Variants in MTUS2 observed in about 807,000 individuals in gnomAD.
The protein encoded by MTUS2 is microtubule associated scaffold protein 2.
Under a neutral mutation model 114.1 loss-of-function variants are expected in MTUS2, and 40 were observed. The ratio of observed to expected loss-of-function variants is 0.35; its 90% confidence interval spans 0.27 to 0.46. The LOEUF (loss-of-function observed/expected upper bound fraction) is 0.46, where lower values mean the gene tolerates loss of function less well. Among genes scored for constraint, MTUS2 ranks in the 20% least tolerant of loss-of-function variants. MTUS2 has a pLI of 1.00. For synonymous variants in MTUS2, 688 were observed against 672.0 expected (o/e 1.02, Z -0.37); for missense variants, 1,679 against 1,705.4 (o/e 0.98, Z 0.27).
chr13:29,161,162 A>G (rs2097996534), intron 5 of MTUS2, among the ~76,000 whole-genome samples: 1 of 152,228 alleles, frequency 6.6e-6, no homozygotes, highest in African/African-American at 2.4e-5. Flanking sequence ...GCGTGCACAC[A>G]CGTGCATACA....
intron 5 of MTUS2, among the ~76,000 whole-genome samples, chr13:29,215,166 T>G (rs150043401): frequency 5.7e-4 from 86 of 152,092 alleles, no homozygotes; most frequent in African/African-American, 1.9e-3. Flanking sequence ...TATTGATACT[T>G]GTGTATGCTT....
At position 29,505,613 on chromosome 13, in the gene MTUS2, G is replaced by A. The variant is rs1210879065; in HGVS notation, c.*2407G>A. ...TCAGAATTCGGATTTCTCTCCACGT[G>A]GCGTCTGCCTCTGTCCCCTTCCAGG... is the stretch of plus-strand genomic sequence containing the variant. On this transcript the variant is annotated 3_prime_UTR_variant, in exon 16 of 16. Transcript: ENST00000612955. 4.3e-6 allele frequency: 1 copy of A among 231,824 alleles called. No homozygotes were observed. Among genetic ancestry groups the A allele is most frequent in the Non-Finnish European group, 8.5e-6 (1 of 117,284 alleles). The allele number at this position is 231,824 out of a possible 1,614,324, so 14.4% of individuals were successfully genotyped here.
intron 2 of MTUS2, among the ~76,000 whole-genome samples, chr13:28,962,550 G>A (rs183677583): frequency 6.6e-6 from 1 of 152,224 alleles, no homozygotes; most frequent in Non-Finnish European, 1.5e-5. Context: ...AGGAATTAGT[G>A]GAAATGAAGT....
At chr13:29,147,425 C>T (rs1892482962) in intron 5 of MTUS2, among the ~76,000 whole-genome samples, 1 of 152,078 alleles carries the variant, frequency 6.6e-6, no homozygotes, top group African/African-American at 2.4e-5. Context: ...AAATTATGCC[C>T]ATTTTAAAAA....
chr13:29,197,235 G>A (rs1463132592), intron 5 of MTUS2, among the ~76,000 whole-genome samples: 2 of 151,822 alleles, frequency 1.3e-5, no homozygotes, highest in African/African-American at 4.8e-5. Flanking sequence ...CCATCCCCTG[G>A]ACAGGCCCCA....
At chr13:28,998,740 A>T (rs985276813) in intron 2 of MTUS2, among the ~76,000 whole-genome samples, 1 of 152,214 alleles carries the variant, frequency 6.6e-6, no homozygotes, top group Non-Finnish European at 1.5e-5. Flanking sequence ...TTTCAGGTCC[A>T]TCACGTCCAT....
rs184908700 is a variant in MTUS2 at position 28,855,683 on chromosome 13, A to G, written c.-243+15833A>G. 1.9e-4 allele frequency among the ~76,000 whole-genome samples: 29 copies of G among 152,274 alleles called. No individual in the cohort carries two copies. The East Asian group carries it at 5.6e-3, about 29-fold the overall frequency. ...TTTATCCAGTCTATCATTGATGGGC[A>G]TTTGGGTTGATTCCATGTCTTTGCT... On this transcript the variant is annotated intron_variant, in intron 2 of 15. Coordinates refer to ENST00000612955, the MANE Select transcript of MTUS2 (RefSeq NM_001033602.4).
chr13:29,394,856 C>T (rs1365556652), intron 8 of MTUS2, among the ~76,000 whole-genome samples: 3 of 152,126 alleles, frequency 2.0e-5, no homozygotes, highest in Non-Finnish European at 2.9e-5. Context: ...ATCTAGGTTG[C>T]GCCCTCCTTT....
At chr13:29,027,653 G>A (rs894901443) in intron 3 of MTUS2, among the ~76,000 whole-genome samples, 4 of 152,162 alleles carry the variant, frequency 2.6e-5, no homozygotes, top group African/African-American at 4.8e-5. Flanking sequence ...CTGGGTTCAC[G>A]CCATCCTCCT....
At chr13:28,831,160 A>G (rs554365400) in intron 1 of MTUS2, among the ~76,000 whole-genome samples, 14 of 152,346 alleles carry the variant, frequency 9.2e-5, no homozygotes, top group African/African-American at 3.1e-4. Flanking sequence ...AAAAATGTAA[A>G]AGAAACGGAA....
intron 2 of MTUS2, among the ~76,000 whole-genome samples, chr13:28,989,083 G>A (rs1457273740): frequency 6.6e-6 from 1 of 152,164 alleles, no homozygotes; most frequent in East Asian, 1.9e-4. Context: ...CAGTTTCATT[G>A]GCTTAGACCT....
intron 2 of MTUS2, among the ~76,000 whole-genome samples, chr13:28,899,201 A>G (rs537347567): frequency 1.3e-5 from 2 of 152,232 alleles, no homozygotes; most frequent in Admixed American, 1.3e-4. Flanking sequence ...CAATAGTAAA[A>G]TATCACAATG....
chr13:29,021,595 T>C (rs1485594769), intron 2 of MTUS2, among the ~76,000 whole-genome samples: 1 of 152,200 alleles, frequency 6.6e-6, no homozygotes, highest in Non-Finnish European at 1.5e-5. Flanking sequence ...TTTATACTTC[T>C]GCCCACAGAA....
chr13:28,895,738 A>G (rs1029222290), intron 2 of MTUS2, among the ~76,000 whole-genome samples: 17 of 152,210 alleles, frequency 1.1e-4, no homozygotes, highest in African/African-American at 2.9e-4. Flanking sequence ...GTAGCCCTCC[A>G]CTGTTGGATA....
intron 4 of MTUS2, among the ~76,000 whole-genome samples, chr13:29,049,849 C>T (rs1887808587): frequency 6.6e-6 from 1 of 152,188 alleles, no homozygotes; most frequent in South Asian, 2.1e-4. Context: ...AGTGTGGTGT[C>T]AAGAGACTCT....
chr13:29,300,159 T>G (rs1372641081), intron 6 of MTUS2, among the ~76,000 whole-genome samples: 1 of 152,164 alleles, frequency 6.6e-6, no homozygotes, highest in African/African-American at 2.4e-5. Context: ...TTTAGGTAAT[T>G]TTAGATAATA....
chr13:29,159,735 A>G (rs967893203), intron 5 of MTUS2, among the ~76,000 whole-genome samples: 3 of 152,244 alleles, frequency 2.0e-5, no homozygotes, highest in Admixed American at 2.0e-4. Context: ...AATAAGATAT[A>G]CAGATGTTCA....
At chr13:29,172,916 GT>G (rs1893619833) in intron 5 of MTUS2, among the ~76,000 whole-genome samples, 1 of 152,134 alleles carries the variant, frequency 6.6e-6, no homozygotes, top group African/African-American at 2.4e-5. Context: ...GTAGTCCTAG[GT>G]AAGACCAAAT....
intron 4 of MTUS2, among the ~76,000 whole-genome samples, chr13:29,092,670 G>C (rs764598454): frequency 6.6e-6 from 1 of 152,146 alleles, no homozygotes; most frequent in Non-Finnish European, 1.5e-5. Context: ...GGCCCCGCCA[G>C]ACGAGTGGAT....
Sources: gnomAD v4.1 joint callset for allele counts (sites outside exome capture counted in the v4.1 genomes callset) on GRCh38, gnomAD v4.1.1 for gene constraint, MANE v1.5 for transcripts, NCBI Gene and HGNC (gene_info 2026-07-23, HGNC 2026-07-21) for gene names.